The following DOCK6 variants were observed in gnomAD, a reference collection of about 807,000 sequenced individuals.
The protein encoded by DOCK6 is dedicator of cytokinesis 6, also known as dedicator of cytokinesis protein 6.
Under a neutral mutation model 230.3 loss-of-function variants are expected in DOCK6, and 167 were observed. That is an observed-to-expected ratio of 0.73 (90% confidence interval 0.64 to 0.82). DOCK6 has a LOEUF of 0.82. Ranked by LOEUF, DOCK6 falls within the 40% of genes least tolerant of loss-of-function variation. The probability of loss-of-function intolerance (pLI) is 0.00; values close to 1 mark genes in which losing one functional copy is unlikely to be tolerated. For synonymous variants in DOCK6, 1,148 were observed against 1,185.0 expected (o/e 0.97, Z 0.64); for missense variants, 2,598 against 2,825.8 (o/e 0.92, Z 1.83).
intron 32 of DOCK6, 96 bp from the exon 33 acceptor site, chr19:11,214,745 G>A: frequency 9.4e-7 from 1 of 1,066,994 alleles, no homozygotes; most frequent in Non-Finnish European, 1.4e-6. Context: ...GGGGGCACTG[G>A]CTCCCTGGAA....
In DOCK6 at chr19:11,253,673, G is replaced by A; in HGVS notation, c.98C>T (p.Pro33Leu). 7 of 1,465,856 alleles carry A rather than the reference G, an allele frequency of 4.8e-6. No individual in the cohort carries two copies. Among genetic ancestry groups the A allele is most frequent in the Non-Finnish European group, 5.4e-6 (6 of 1,115,464 alleles). 90.8% of individuals were successfully genotyped at this position (1,465,856 alleles called of 1,614,324 possible). The change falls in exon 2 of 48, where the codon CCC becomes CTC. Residue 33 changes from proline (P) to leucine (L), a missense_variant. Coordinates refer to ENST00000294618, the MANE Select transcript of DOCK6 (RefSeq NM_020812.4). ...GCTGCTGCAGCGCCTGCTGGAGTGGGGGGAGCCACTGCGTTCCCGGGACAC... is the reference window on the plus strand; with the variant it reads ...GCTGCTGCAGCGCCTGCTGGAGTGGAGGGAGCCACTGCGTTCCCGGGACAC... ...KQVSRERSGS[P>L]HSSRRCSSSL...
chr19:11,259,508 A>G (rs2147897869), intron 1 of DOCK6, among the ~76,000 whole-genome samples: 1 of 151,098 alleles, frequency 6.6e-6, no homozygotes, highest in South Asian at 2.1e-4. Flanking sequence ...ATTTGTCAAT[A>G]AATACCTCAT....
At position 11,217,069 on chromosome 19, in the gene DOCK6, CAG is replaced by C; in HGVS notation, c.3737_3738del (p.Ser1246CysfsTer2). ...GCCAGCAAGGTCCGGCTTGACTCAG[CAG>C]AGAGGGCACAGCCTGCGCGAGAAGC... ...PTASRAGCAL[S>X]AESSRTLLAC... is the part of the protein sequence containing the mutation. On this transcript the variant is annotated frameshift_variant, in exon 30 of 48. Coordinates refer to ENST00000294618, the MANE Select transcript of DOCK6 (RefSeq NM_020812.4). LOFTEE classifies it high-confidence loss of function. 6.2e-7 allele frequency: 1 copy of C among 1,613,312 alleles called. No homozygotes were observed. Among genetic ancestry groups the C allele is most frequent in the Non-Finnish European group, 8.5e-7 (1 of 1,179,768 alleles).
rs1033083328 is a variant in DOCK6 at position 11,201,782 on chromosome 19, C to T, written c.5688+107G>A. 9.0e-6 allele frequency: 10 copies of T among 1,107,768 alleles called. No individual in the cohort carries two copies. In the African/African-American group the frequency reaches 9.3e-5, roughly 10 times the overall value. The allele number at this position is 1,107,768 out of a possible 1,614,324, so 68.6% of individuals were successfully genotyped here. ...GCCACCCCTCTCTGGGTCTGAGGTC[C>T]GTGAACCACCTTGGGTCTGGGTCCC... On this transcript the variant is annotated intron_variant, in intron 44 of 47. Transcript: ENST00000294618. This position sits in a 1 kb window ranked among gnomAD's most constrained non-coding sequence, Gnocchi z 4.3.
chr19:11,260,881 T>C (rs1599302702), intron 1 of DOCK6, among the ~76,000 whole-genome samples: 1 of 4,272 alleles, frequency 2.3e-4, no homozygotes, highest in Admixed American at 3.6e-3. Flanking sequence ...AGACTCTGTC[T>C]CAAAAAAAAA....
In DOCK6 at chr19:11,238,036, C is replaced by T. The variant is rs778018375; in HGVS notation, c.1832+9G>A. 6 of 1,613,706 alleles carry T rather than the reference C, an allele frequency of 3.7e-6. No individual in the cohort carries two copies. Among genetic ancestry groups the T allele is most frequent in the Middle Eastern group, 1.6e-4 (1 of 6,084 alleles). On this transcript the variant is annotated intron_variant, in intron 16 of 47. Transcript: ENST00000294618. ...TGCCCCCAAGTTCCTCACGTGTCCC[C>T]CTACATACTTGTTATGGTAGACCAC...
rs1029595200 is a variant in DOCK6 at position 11,243,979 on chromosome 19, G to A, written c.1024-97C>T. On this transcript the variant is annotated intron_variant, in intron 9 of 47. Transcript: ENST00000294618. The surrounding 1 kb of genome is among the most constrained non-coding windows in gnomAD (Gnocchi z 6.3). Reference sequence around the variant, plus strand: ...CTCCTGGACCCCTCATGGGCCCTCGGACACTCCTAACATATGAAGGCCTTT... The same window carrying A: ...CTCCTGGACCCCTCATGGGCCCTCGAACACTCCTAACATATGAAGGCCTTT... 1 of 1,322,816 alleles carries A rather than the reference G, an allele frequency of 7.6e-7. No homozygotes were observed. Among genetic ancestry groups the A allele is most frequent in the African/African-American group, 1.5e-5 (1 of 68,542 alleles). 81.9% of individuals were successfully genotyped at this position (1,322,816 alleles called of 1,614,324 possible). A position where few individuals can be genotyped will look rare whatever the true frequency, so the allele number is the denominator to read the frequency against.
intron 7 of DOCK6, among the ~76,000 whole-genome samples, chr19:11,246,650 C>T (rs1452745214): frequency 2.0e-5 from 3 of 152,200 alleles, no homozygotes; most frequent in African/African-American, 2.4e-5. Flanking sequence ...GCCCTTGTTC[C>T]GTTGGCATGG....
chr19:11,237,750 A>G lies in DOCK6; in HGVS notation c.1862T>C (p.Leu621Pro), dbSNP rs1185286162. 20 of 1,575,686 alleles carry G rather than the reference A, an allele frequency of 1.3e-5. No individual in the cohort carries two copies. Among genetic ancestry groups the G allele is most frequent in the Non-Finnish European group, 1.6e-5 (19 of 1,161,230 alleles). The change falls in exon 17 of 48, where the codon CTG becomes CCG. Residue 621 changes from leucine to proline, a missense_variant. Physicochemically the swap from Leu to Pro is moderately conservative, Grantham distance 98. Transcript: ENST00000294618. Reference sequence around the variant, plus strand: ...CTCTGTCACGCAGGCTGGAAGATGCAGCTTGAACTCCTCGTAGAACTCGGG... The same window carrying G: ...CTCTGTCACGCAGGCTGGAAGATGCGGCTTGAACTCCTCGTAGAACTCGGG... ...KSPEFYEEFK[L>P]HLPACVTENH...
intron 7 of DOCK6, among the ~76,000 whole-genome samples, chr19:11,246,452 G>A (rs1188377244): frequency 6.6e-6 from 1 of 151,948 alleles, no homozygotes; most frequent in Non-Finnish European, 1.5e-5. Context: ...AGTCTCCCCT[G>A]TTGCCCAGGC....
At position 11,236,731 on chromosome 19, in the gene DOCK6, C is replaced by T. The variant is rs2079854391; in HGVS notation, c.2160+62G>A. 6.5e-7 allele frequency: 1 copy of T among 1,542,632 alleles called. No homozygotes were observed. Among genetic ancestry groups the T allele is most frequent in the Admixed American group, 2.0e-5 (1 of 50,816 alleles). On this transcript the variant is annotated intron_variant, in intron 19 of 47. Transcript: ENST00000294618. The surrounding 1 kb of genome is among the most constrained non-coding windows in gnomAD (Gnocchi z 5.2). Reference sequence around the variant, plus strand: ...TCCCCGGCCATCGGCAACTGTTACTCAATCGTAGGGCAGGCAAGAGGGGAG... The same window carrying T: ...TCCCCGGCCATCGGCAACTGTTACTTAATCGTAGGGCAGGCAAGAGGGGAG...
At position 11,213,319 on chromosome 19, in the gene DOCK6, G is replaced by C. The variant is rs770826812; in HGVS notation, c.4348C>G (p.Leu1450Val). Residue 1450 changes from leucine (L) to valine (V), a missense_variant, in exon 35 of 48, where the codon CTG (leucine) becomes GTG (valine). Physicochemically the swap from Leu to Val is conservative, Grantham distance 32. Transcript: ENST00000294618. Reference sequence around the variant, plus strand: ...AGCTCCGTGTCCTCCTCGAACAGCAGCTCCGGGAACTGCCCCCAAGGACCC... The same window carrying C: ...AGCTCCGTGTCCTCCTCGAACAGCACCTCCGGGAACTGCCCCCAAGGACCC... ...QRALVSKFPE[L>V]LFEEDTELCA... is the part of the protein sequence containing the mutation. The C allele has an allele frequency of 1.2e-6, 2 of 1,611,298 alleles. No individual in the cohort carries two copies. The highest frequency in any genetic ancestry group is 1.7e-6 in the Non-Finnish European group (2 of 1,179,590).
intron 1 of DOCK6, among the ~76,000 whole-genome samples, chr19:11,257,135 C>T (rs748608770): frequency 6.9e-6 from 1 of 144,352 alleles, no homozygotes; most frequent in Non-Finnish European, 1.5e-5. Flanking sequence ...AACTGATGCA[C>T]ACCACCATGC....
chr19:11,242,123 G>A lies in DOCK6; in HGVS notation c.1565C>T (p.Pro522Leu), dbSNP rs1161991286. The A allele has an allele frequency of 2.6e-6, 4 of 1,512,146 alleles. No individual in the cohort carries two copies. The highest frequency in any genetic ancestry group is 2.3e-5 in the East Asian group (1 of 42,904). The allele number at this position is 1,512,146 out of a possible 1,614,324, so 93.7% of individuals were successfully genotyped here. ...SPELLHIKPYPDPRGRPTKEI... is the reference protein window; with the variant it reads ...SPELLHIKPYLDPRGRPTKEI... ...CTTGGTGGGCCGGCCCCTGGGGTCC[G>A]GGTAGGGCTTGATATGAAGCAGCTC... The change falls in exon 14 of 48, where the codon CCG (proline) becomes CTG (leucine). Residue 522 changes from proline (P) to leucine (L), a missense_variant. Coordinates refer to ENST00000294618, the MANE Select transcript of DOCK6 (RefSeq NM_020812.4).
intron 7 of DOCK6, chr19:11,247,184 G>T (rs1203940653): frequency 6.6e-6 from 1 of 152,092 alleles, no homozygotes; most frequent in Admixed American, 6.6e-5. Context: ...CTGCCCTCCG[G>T]GTCAAGAGAT....
chr19:11,242,389 T>A (rs2147849389), intron 13 of DOCK6, among the ~76,000 whole-genome samples, 182 bp from the exon 14 acceptor site: 1 of 152,100 alleles, frequency 6.6e-6, no homozygotes, highest in South Asian at 2.1e-4. Context: ...TAAATTTTTT[T>A]TCGTTTTTGT....
At chr19:11,256,379 T>C (rs2080198159) in intron 1 of DOCK6, among the ~76,000 whole-genome samples, 1 of 152,136 alleles carries the variant, frequency 6.6e-6, no homozygotes, top group African/African-American at 2.4e-5. Flanking sequence ...CTTTTCCCCT[T>C]GGCCTTGGAG....
chr19:11,253,677 A>T lies in DOCK6; in HGVS notation c.94T>A (p.Ser32Thr), dbSNP rs1170044845. ...CTGCAGCGCCTGCTGGAGTGGGGGG[A>T]GCCACTGCGTTCCCGGGACACCTGC... ...RKQVSRERSG[S>T]PHSSRRCSSS... Residue 32 changes from serine (S) to threonine (T), a missense_variant, in exon 2 of 48, where the codon TCC becomes ACC. Transcript: ENST00000294618. 1 of 1,464,700 alleles carries T rather than the reference A, an allele frequency of 6.8e-7. No homozygotes were observed. The highest frequency in any genetic ancestry group is 1.5e-5 in the South Asian group (1 of 68,758). The allele number at this position is 1,464,700 out of a possible 1,614,324, so 90.7% of individuals were successfully genotyped here. A position where few individuals can be genotyped will look rare whatever the true frequency, so the allele number is the denominator to read the frequency against.
At chr19:11,211,317 C>T (rs1045677310) in intron 37 of DOCK6, among the ~76,000 whole-genome samples, 1 of 151,946 alleles carries the variant, frequency 6.6e-6, no homozygotes, top group African/African-American at 2.4e-5. Flanking sequence ...TCTCCATCAC[C>T]CGTCCGCCTC....
Sources: gnomAD v4.1 joint callset for allele counts (sites outside exome capture counted in the v4.1 genomes callset) on GRCh38, gnomAD v4.1.1 for gene constraint, Gnocchi (gnomAD v3.1) non-coding constraint, MANE v1.5 for transcripts, NCBI Gene and HGNC (gene_info 2026-07-23, HGNC 2026-07-21) for gene names.